The following ZNF514 variants were observed in gnomAD, a reference collection of about 807,000 sequenced individuals.
The protein encoded by ZNF514 is zinc finger protein 514.
ZNF514 carries 12 observed loss-of-function variants against 9.7 expected under a neutral mutation model. The ratio of observed to expected loss-of-function variants is 1.24; its 90% CI spans 0.79 to 2.01. The LOEUF (loss-of-function observed/expected upper bound fraction) is 2.01, where lower values mean the gene tolerates loss of function less well. Ranked by LOEUF, ZNF514 falls within the 30% of genes most tolerant of loss-of-function variation. The pLI is 0.00. For missense variants in ZNF514, 467 were observed against 465.5 expected (o/e 1.00, Z -0.03); for synonymous variants, 158 against 163.7 (o/e 0.97, Z 0.27).
intron 4 of ZNF514, 75 bp downstream of exon 4, chr2:95,152,599 C>T (rs978200665): frequency 2.1e-5 from 26 of 1,252,592 alleles, no homozygotes; most frequent in Admixed American, 6.8e-5. Context: ...GGACAGCACA[C>T]TGACCAAAGG....
chr2:95,137,463 A>T, the ZNF514 span, among the ~76,000 whole-genome samples: 68 of 152,248 alleles, frequency 4.5e-4, no homozygotes, highest in Non-Finnish European at 8.1e-4. Flanking sequence ...ACATTGATGC[A>T]GAAACTTTAA....
the ZNF514 span, among the ~76,000 whole-genome samples, chr2:95,124,836 G>T: frequency 1.3e-5 from 2 of 151,492 alleles, no homozygotes; most frequent in African/African-American, 4.9e-5. Context: ...AAACAAAGCT[G>T]CCATCAACAT....
intron 1 of ZNF514, chr2:95,158,940 C>A (rs1673760796): frequency 7.8e-7 from 1 of 1,289,644 alleles, no homozygotes; most frequent in South Asian, 1.2e-5. Flanking sequence ...GGGCTCCTGG[C>A]CCTCTGCACG....
the ZNF514 span, among the ~76,000 whole-genome samples, chr2:95,127,547 T>G: frequency 6.6e-6 from 1 of 152,146 alleles, no homozygotes; most frequent in African/African-American, 2.4e-5. Flanking sequence ...CTTCATTGTG[T>G]TTAGTGTTTT....
chr2:95,158,823 T>C, intron 1 of ZNF514: 2 of 1,281,434 alleles, frequency 1.6e-6, no homozygotes, highest in South Asian at 1.3e-5. Context: ...GAAGGTTAGA[T>C]GTCGCCACAC....
At chr2:95,135,630 C>T in the ZNF514 span, among the ~76,000 whole-genome samples, 1 of 151,936 alleles carries the variant, frequency 6.6e-6, no homozygotes, top group Non-Finnish European at 1.5e-5. Flanking sequence ...CTATGTTGTC[C>T]AGGCCGGTCT....
downstream of ZNF514, among the ~76,000 whole-genome samples, chr2:95,144,631 T>C (rs558721999): frequency 6.6e-6 from 1 of 152,306 alleles, no homozygotes; most frequent in South Asian, 2.1e-4. Flanking sequence ...ATTTGTGTCC[T>C]TTTTCTATAA....
At chr2:95,154,548 GA>G (rs1673637864) in intron 2 of ZNF514, 1 of 152,232 alleles carries the variant, frequency 6.6e-6, no homozygotes, top group Non-Finnish European at 1.5e-5. Context: ...CTTGAAAGAT[GA>G]ACAATGAAAG....
downstream of ZNF514, among the ~76,000 whole-genome samples, chr2:95,141,191 A>G (rs1676823295): frequency 6.6e-6 from 1 of 152,158 alleles, no homozygotes; most frequent in African/African-American, 2.4e-5. Context: ...AGTCTCAGGT[A>G]TTTCTTTATA....
chr2:95,158,956 G>A, intron 1 of ZNF514: 1 of 1,289,518 alleles, frequency 7.8e-7, no homozygotes. Flanking sequence ...GCACGCTCCA[G>A]AGCCAAACCT....
intron 2 of ZNF514, among the ~76,000 whole-genome samples, chr2:95,156,942 G>A (rs549449629): frequency 1.6e-4 from 25 of 152,218 alleles, no homozygotes; most frequent in African/African-American, 6.0e-4. Context: ...AGAACAGGCC[G>A]ATTCCCCTTT....
the ZNF514 span, among the ~76,000 whole-genome samples, chr2:95,124,717 G>A: frequency 2.2e-4 from 33 of 151,802 alleles, no homozygotes; most frequent in South Asian, 6.0e-3. Flanking sequence ...GGCCAGGCTG[G>A]TCTCAAACTC....
downstream of ZNF514, among the ~76,000 whole-genome samples, chr2:95,140,521 G>C (rs1676810848): frequency 1.3e-5 from 2 of 152,036 alleles, no homozygotes. Flanking sequence ...GCTGAGGCAG[G>C]AGAATCACTT....
the ZNF514 span, among the ~76,000 whole-genome samples, chr2:95,130,422 C>T: frequency 3.6e-4 from 55 of 152,270 alleles, no homozygotes; most frequent in African/African-American, 1.2e-3. Flanking sequence ...ATCAACGGGT[C>T]TGAACAAAAT....
chr2:95,131,045 C>T, the ZNF514 span, among the ~76,000 whole-genome samples: 8 of 152,172 alleles, frequency 5.3e-5, no homozygotes, highest in African/African-American at 1.9e-4. Flanking sequence ...GTTCTTCTGC[C>T]GTGGTTTCAG....
At chr2:95,154,138 T>C (rs1347112133) in intron 2 of ZNF514, 1 of 152,262 alleles carries the variant, frequency 6.6e-6, no homozygotes, top group African/African-American at 2.4e-5. Flanking sequence ...GGTGGGGCGA[T>C]GTCATCTGCT....
the ZNF514 span, among the ~76,000 whole-genome samples, chr2:95,134,930 A>G: frequency 1.3e-5 from 2 of 152,142 alleles, no homozygotes; most frequent in African/African-American, 4.8e-5. Flanking sequence ...TGAGCTCAAA[A>G]TTCTATTCTG....
the ZNF514 span, among the ~76,000 whole-genome samples, chr2:95,129,365 C>T: frequency 4.6e-5 from 7 of 152,256 alleles, no homozygotes; most frequent in South Asian, 1.2e-3. Context: ...CCTCAGCACC[C>T]TCCTTCCCAG....
intron 2 of ZNF514, chr2:95,155,075 A>T (rs1287057411): frequency 1.3e-5 from 2 of 152,228 alleles, no homozygotes; most frequent in Non-Finnish European, 2.9e-5. Flanking sequence ...ACATGGAGCC[A>T]ACTGGAAACA....
Sources: gnomAD v4.1 joint callset for allele counts (sites outside exome capture counted in the v4.1 genomes callset) on GRCh38, gnomAD v4.1.1 for gene constraint, MANE v1.5 for transcripts, NCBI Gene and HGNC (gene_info 2026-07-23, HGNC 2026-07-21) for gene names.